The following ROCK1 variants were observed in gnomAD, a reference collection of about 807,000 sequenced individuals.
The protein encoded by ROCK1 is rho-associated protein kinase 1.
A neutral mutation model predicts 196.8 loss-of-function variants in ROCK1; 36 were observed. That is an observed-to-expected ratio of 0.18 (90% CI 0.14 to 0.24). ROCK1 has a LOEUF of 0.24. Among genes scored for constraint, ROCK1 ranks in the 10% least tolerant of loss-of-function variants. ROCK1 has a pLI of 1.00. For synonymous variants in ROCK1, 443 were observed against 515.9 expected (o/e 0.86, Z 1.91); for missense variants, 920 against 1,562.0 (o/e 0.59, Z 6.93).
At chr18:21,075,910 A>C (rs1273666201) in intron 1 of ROCK1, among the ~76,000 whole-genome samples, 3 of 149,480 alleles carry the variant, frequency 2.0e-5, no homozygotes, top group African/African-American at 7.4e-5. Flanking sequence ...CCGACATAGC[A>C]CCACTGCACT....
chr18:21,046,716 A>T (rs999081592), intron 4 of ROCK1, among the ~76,000 whole-genome samples: 16 of 152,228 alleles, frequency 1.1e-4, no homozygotes, highest in African/African-American at 3.6e-4. Context: ...AGAAGTTTAG[A>T]ATTAAACTAA....
intron 2 of ROCK1, among the ~76,000 whole-genome samples, chr18:21,052,605 G>C (rs1169899234): frequency 2.0e-5 from 3 of 152,176 alleles, no homozygotes; most frequent in Non-Finnish European, 2.9e-5. Context: ...TGAGCAGTGG[G>C]TAGGCAAGCA....
In ROCK1 at chr18:21,042,050, T is replaced by C. The variant is rs372498434; in HGVS notation, c.959+47A>G. ...TGGACCTTAAAAATGGAGCAGAAGA[T>C]GAGAAGTCCTCAGAATTAATACAGG... On this transcript the variant is annotated intron_variant, in intron 8 of 32. Coordinates refer to ENST00000399799, the MANE Select transcript of ROCK1 (RefSeq NM_005406.3). The C allele has an allele frequency of 3.9e-6, 6 of 1,547,142 alleles. No homozygotes were observed. In the Admixed American group the frequency reaches 8.3e-5, roughly 21 times the overall value.
At chr18:21,044,697 A>T (rs1775131355) in intron 5 of ROCK1, among the ~76,000 whole-genome samples, 1 of 152,188 alleles carries the variant, frequency 6.6e-6, no homozygotes, top group South Asian at 2.1e-4. Flanking sequence ...AATTAACATC[A>T]AAGTGTTTAA....
At chr18:21,045,846 C>G (rs2036150987) in intron 4 of ROCK1, among the ~76,000 whole-genome samples, 1 of 145,210 alleles carries the variant, frequency 6.9e-6, no homozygotes, top group African/African-American at 2.5e-5. Context: ...AAATTTATAT[C>G]AATATCACAA....
At chr18:20,956,804 A>C (rs1329081635) in intron 29 of ROCK1, among the ~76,000 whole-genome samples, 1 of 152,190 alleles carries the variant, frequency 6.6e-6, no homozygotes, top group Non-Finnish European at 1.5e-5. Context: ...TATTCAGAAT[A>C]TATCTAGAAC....
intron 31 of ROCK1, 110 bp from the exon 32 acceptor site, chr18:20,953,895 T>C (rs2035215207): frequency 7.3e-6 from 4 of 549,582 alleles, no homozygotes; most frequent in South Asian, 5.5e-5. Flanking sequence ...AGTTTTAATA[T>C]GCTTAATTAA....
chr18:21,069,725 G>C (rs2036367480), intron 2 of ROCK1, among the ~76,000 whole-genome samples: 1 of 151,986 alleles, frequency 6.6e-6, no homozygotes, highest in Non-Finnish European at 1.5e-5. Flanking sequence ...AGGTAGGGAG[G>C]TAAGCAACTG....
At chr18:21,028,463 C>A (rs1445178715) in intron 10 of ROCK1, among the ~76,000 whole-genome samples, 1 of 151,922 alleles carries the variant, frequency 6.6e-6, no homozygotes, top group African/African-American at 2.4e-5. Context: ...CATGTTGTTT[C>A]AAAATGTATT....
intron 10 of ROCK1, among the ~76,000 whole-genome samples, chr18:21,025,450 T>G (rs1241764069): frequency 6.6e-6 from 1 of 152,336 alleles, no homozygotes; most frequent in African/African-American, 2.4e-5. Flanking sequence ...CCAGGTGCAG[T>G]GGCTCACACC....
intron 24 of ROCK1, 71 bp from the exon 25 acceptor site, chr18:20,968,931 C>T: frequency 9.4e-7 from 1 of 1,065,718 alleles, no homozygotes; most frequent in Non-Finnish European, 1.4e-6. Flanking sequence ...CTAACAATGT[C>T]TTTAATTATT....
At chr18:21,058,250 T>C (rs2143531144) in intron 2 of ROCK1, among the ~76,000 whole-genome samples, 1 of 152,332 alleles carries the variant, frequency 6.6e-6, no homozygotes, top group Admixed American at 6.5e-5. Context: ...TTAAGTTTTT[T>C]ATAATGACCC....
At chr18:21,017,584 T>C (rs2035874925) in intron 12 of ROCK1, among the ~76,000 whole-genome samples, 1 of 152,190 alleles carries the variant, frequency 6.6e-6, no homozygotes, top group African/African-American at 2.4e-5. Context: ...CAGTACTATA[T>C]TGTTGACAAG....
intron 18 of ROCK1, 75 bp downstream of exon 18, chr18:20,991,101 A>G: frequency 7.9e-7 from 1 of 1,261,436 alleles, no homozygotes; most frequent in Admixed American, 2.3e-5. Context: ...AGAGTACAAA[A>G]TTTTGACCAA....
intron 24 of ROCK1, 51 bp downstream of exon 24, chr18:20,969,064 T>A (rs762197796): frequency 8.2e-7 from 1 of 1,223,810 alleles, no homozygotes; most frequent in Non-Finnish European, 1.2e-6. Context: ...TAGGTAAAGA[T>A]AAATCACTGA....
rs557994730 is a variant in ROCK1, at chr18:20,962,571, A to G, written c.3353-2365T>C. On this transcript the variant is annotated intron_variant, in intron 27 of 32. Coordinates refer to ENST00000399799, the MANE Select transcript of ROCK1 (RefSeq NM_005406.3). ...ACCTGCCAGTTTTAATATATCTTCA[A>G]TAAGTTGTTATATGGTATGGCTTTA... Among the ~76,000 whole-genome samples, 6 of 152,266 alleles carry G rather than the reference A, an allele frequency of 3.9e-5. No homozygotes were observed. In the South Asian group the frequency reaches 1.0e-3, roughly 26 times the overall value.
intron 13 of ROCK1, among the ~76,000 whole-genome samples, chr18:21,014,511 T>C (rs1367182244): frequency 6.6e-6 from 1 of 152,232 alleles, no homozygotes; most frequent in African/African-American, 2.4e-5. Context: ...TACTTCTAAT[T>C]TGGAAAAATG....
intron 22 of ROCK1, among the ~76,000 whole-genome samples, chr18:20,978,444 G>A (rs1397675495): frequency 6.6e-6 from 1 of 152,170 alleles, no homozygotes; most frequent in Admixed American, 6.5e-5. Context: ...TTCTATATCT[G>A]TACCATCTAT....
intron 3 of ROCK1, among the ~76,000 whole-genome samples, chr18:21,049,446 T>C (rs1372652521): frequency 2.0e-5 from 3 of 152,262 alleles, no homozygotes; most frequent in Non-Finnish European, 4.4e-5. Flanking sequence ...TTTTATTTCC[T>C]ATATTACAAG....
Sources: gnomAD v4.1 joint callset for allele counts (sites outside exome capture counted in the v4.1 genomes callset) on GRCh38, gnomAD v4.1.1 for gene constraint, MANE v1.5 for transcripts, NCBI Gene and HGNC (gene_info 2026-07-23, HGNC 2026-07-21) for gene names.